KIF27: variants seen among roughly 807,000 people sequenced by gnomAD.
The protein encoded by KIF27 is kinesin-like protein KIF27.
In KIF27, 84 loss-of-function variants were observed where a neutral mutation model predicts 141.8. The ratio of observed to expected loss-of-function variants is 0.59; its 90% CI spans 0.50 to 0.71. KIF27 has a LOEUF of 0.71. Ranked by LOEUF, KIF27 falls within the 30% of genes least tolerant of loss-of-function variation. The probability of loss-of-function intolerance (pLI) is 0.00; values close to 1 mark genes in which losing one functional copy is unlikely to be tolerated. For synonymous variants in KIF27, 471 were observed against 569.5 expected, an observed-to-expected ratio of 0.83 and a Z score of 2.46; for missense variants, 1,306 against 1,628.4, an observed-to-expected ratio of 0.80 and a Z score of 3.41.
At chr9:83,911,569 A>G (rs1342972808) in intron 2 of KIF27, among the ~76,000 whole-genome samples, 1 of 151,716 alleles carries the variant, frequency 6.6e-6, no homozygotes, top group Admixed American at 6.6e-5. Context: ...TCTGAGACAG[A>G]GTCTTGCTCT....
chr9:83,899,227 G>A (rs1452926017), intron 5 of KIF27, among the ~76,000 whole-genome samples: 5 of 152,072 alleles, frequency 3.3e-5, no homozygotes, highest in African/African-American at 1.2e-4. Flanking sequence ...TAATAGGAAA[G>A]CTAAGATAGA....
intron 13 of KIF27, among the ~76,000 whole-genome samples, chr9:83,863,450 T>C (rs1476499989): frequency 6.6e-6 from 1 of 152,194 alleles, no homozygotes; most frequent in African/African-American, 2.4e-5. Flanking sequence ...GTTTTTGTCT[T>C]TGGTTCTGTT....
At chr9:83,894,629 C>G (rs1588210497) in intron 5 of KIF27, among the ~76,000 whole-genome samples, 1 of 152,176 alleles carries the variant, frequency 6.6e-6, no homozygotes. Context: ...TACTTAGTTT[C>G]CCCGCCAGAT....
intron 15 of KIF27, among the ~76,000 whole-genome samples, chr9:83,852,253 T>C (rs538080508): frequency 7.3e-5 from 11 of 151,484 alleles, no homozygotes; most frequent in African/African-American, 2.7e-4. Flanking sequence ...AGACCATCCC[T>C]GTCTAACATG....
chr9:83,873,456 C>T (rs1950958952), intron 11 of KIF27, among the ~76,000 whole-genome samples: 1 of 152,132 alleles, frequency 6.6e-6, no homozygotes, highest in Non-Finnish European at 1.5e-5. Flanking sequence ...ACAGAGAGAA[C>T]ATTTGATTAG....
chr9:83,873,423 T>C (rs1340896582), intron 11 of KIF27, among the ~76,000 whole-genome samples: 1 of 152,202 alleles, frequency 6.6e-6, no homozygotes, highest in African/African-American at 2.4e-5. Context: ...AGGAAGTGTT[T>C]AGATTTTTAG....
rs1233531507 is a variant in KIF27 at position 83,848,281 on chromosome 9, TATATG to T, written c.3556+1813_3556+1817del. ...TATATATGATATATCAGATATGATA[TATATG>T]ATATATCAGATATGATATATATGAT... On this transcript the variant is annotated intron_variant, in intron 16 of 17. Transcript: ENST00000297814. 1.9e-4 allele frequency among the ~76,000 whole-genome samples: 22 copies of T among 113,494 alleles called. 3 individuals carry two copies. The highest frequency in any genetic ancestry group is 3.0e-4 in the Non-Finnish European group (17 of 56,908). 74.5% of individuals were successfully genotyped at this position (113,494 alleles called of 152,430 possible). A position where few individuals can be genotyped will look rare whatever the true frequency, so the allele number is the denominator to read the frequency against.
chr9:83,914,407 T>C (rs1229959952), intron 2 of KIF27, among the ~76,000 whole-genome samples: 1 of 152,140 alleles, frequency 6.6e-6, no homozygotes, highest in Non-Finnish European at 1.5e-5. Flanking sequence ...GCAATAAAGA[T>C]TTCCTGAAAC....
chr9:83,910,054 A>AATACATACATAC (rs10616573), intron 2 of KIF27, among the ~76,000 whole-genome samples: 16 of 148,248 alleles, frequency 1.1e-4, no homozygotes, highest in Admixed American at 4.8e-4. Flanking sequence ...CCTTTCTCTA[A>AATACATACATAC]ATACATACAT....
intron 1 of KIF27, among the ~76,000 whole-genome samples, chr9:83,916,806 G>A (rs1955736386): frequency 2.0e-5 from 3 of 150,962 alleles, no homozygotes; most frequent in South Asian, 4.2e-4. Context: ...TGGGACTACA[G>A]GCACCCGCCA....
At chr9:83,913,877 C>A (rs1955437339) in intron 2 of KIF27, among the ~76,000 whole-genome samples, 2 of 152,116 alleles carry the variant, frequency 1.3e-5, no homozygotes, top group Admixed American at 6.6e-5. Context: ...GTGAGAGGAG[C>A]TGTCACTTGT....
chr9:83,858,818 C>T (rs1302898770), intron 14 of KIF27: 1 of 312,404 alleles, frequency 3.2e-6, no homozygotes, highest in Non-Finnish European at 6.0e-6. Flanking sequence ...GTCAGGTGCC[C>T]TCCAGAAGAG....
intron 5 of KIF27, among the ~76,000 whole-genome samples, chr9:83,895,920 T>C (rs1953176139): frequency 6.6e-6 from 1 of 151,582 alleles, no homozygotes; most frequent in African/African-American, 2.4e-5. Flanking sequence ...GGCATGGTTG[T>C]GCATGCCTGT....
At chr9:83,894,295 T>C (rs946940446) in intron 5 of KIF27, among the ~76,000 whole-genome samples, 1 of 152,004 alleles carries the variant, frequency 6.6e-6, no homozygotes, top group Non-Finnish European at 1.5e-5. Flanking sequence ...GAAAGAAAAA[T>C]ATAGGACAAA....
At chr9:83,875,990 G>A (rs996433943) in intron 11 of KIF27, among the ~76,000 whole-genome samples, 1 of 151,792 alleles carries the variant, frequency 6.6e-6, no homozygotes, top group African/African-American at 2.4e-5. Context: ...GATATTTAAA[G>A]ACAAATCCAG....
intron 16 of KIF27, among the ~76,000 whole-genome samples, chr9:83,846,854 T>C (rs1014810718): frequency 6.6e-6 from 1 of 152,150 alleles, no homozygotes; most frequent in Non-Finnish European, 1.5e-5. Flanking sequence ...CCTGGACACT[T>C]TGGGCTCCAC....
chr9:83,887,582 G>C (rs1392416138), intron 8 of KIF27, among the ~76,000 whole-genome samples: 1 of 152,050 alleles, frequency 6.6e-6, no homozygotes, highest in East Asian at 1.9e-4. Flanking sequence ...ACTATACCAG[G>C]CTACTCAGAG....
At chr9:83,876,951 G>A (rs553215621) in intron 11 of KIF27, among the ~76,000 whole-genome samples, 12 of 152,200 alleles carry the variant, frequency 7.9e-5, no homozygotes, top group Admixed American at 5.2e-4. Context: ...GGTGGTGTGC[G>A]TCTGTAGTCC....
chr9:83,844,122 G>C (rs970996216), intron 16 of KIF27, among the ~76,000 whole-genome samples: 1 of 152,074 alleles, frequency 6.6e-6, no homozygotes, highest in African/African-American at 2.4e-5. Flanking sequence ...AGGCGAGACT[G>C]ACCTAGCCTC....
Sources: allele counts gnomAD v4.1 joint callset (sites outside exome capture counted in the v4.1 genomes callset), GRCh38; gene constraint gnomAD v4.1.1; transcripts MANE v1.5; gene names NCBI Gene and HGNC (gene_info 2026-07-23, HGNC 2026-07-21).